ST6GALNAC3: variants seen among roughly 807,000 people sequenced by gnomAD.
ST6GALNAC3 encodes alpha-N-acetylgalactosaminide alpha-2,6-sialyltransferase 3.
ST6GALNAC3 carries 25 observed loss-of-function variants against 32.7 expected under a neutral mutation model. That is an observed-to-expected ratio of 0.76 (90% confidence interval 0.56 to 1.07). The LOEUF is 1.07. Ranked by LOEUF, ST6GALNAC3 falls within the 50% of genes least tolerant of loss-of-function variation. The probability of loss-of-function intolerance (pLI) is 0.00; values close to 1 mark genes in which losing one functional copy is unlikely to be tolerated. For synonymous variants in ST6GALNAC3, 129 were observed against 133.1 expected (o/e 0.97, Z 0.21); for missense variants, 355 against 382.4 (o/e 0.93, Z 0.60).
intron 1 of ST6GALNAC3, among the ~76,000 whole-genome samples, chr1:76,174,614 AT>A (rs1371438645): frequency 6.9e-6 from 1 of 144,444 alleles, no homozygotes; most frequent in East Asian, 2.0e-4. Flanking sequence ...GATCATGAAG[AT>A]TTTTTTCCAT....
At chr1:76,305,351 G>A (rs1206133178) in intron 1 of ST6GALNAC3, among the ~76,000 whole-genome samples, 2 of 152,096 alleles carry the variant, frequency 1.3e-5, no homozygotes, top group Non-Finnish European at 2.9e-5. Context: ...ATGTGATATA[G>A]TAAAAGAAAT....
At chr1:76,517,390 A>G (rs1291300639) in intron 3 of ST6GALNAC3, among the ~76,000 whole-genome samples, 1 of 151,708 alleles carries the variant, frequency 6.6e-6, no homozygotes, top group Non-Finnish European at 1.5e-5. Flanking sequence ...TATTTTTGTC[A>G]TATAGTCAAG....
chr1:76,583,368 A>G (rs778240073), intron 3 of ST6GALNAC3, among the ~76,000 whole-genome samples: 6 of 152,206 alleles, frequency 3.9e-5, no homozygotes, highest in East Asian at 1.9e-4. Flanking sequence ...TCCACTGGCT[A>G]TTGACATGCA....
At chr1:76,239,617 A>T (rs1158584174) in intron 1 of ST6GALNAC3, among the ~76,000 whole-genome samples, 1 of 152,130 alleles carries the variant, frequency 6.6e-6, no homozygotes, top group Non-Finnish European at 1.5e-5. Flanking sequence ...ACAGAGCAGG[A>T]ACTCACTCAT....
At chr1:76,525,996 A>G (rs1041120102) in intron 3 of ST6GALNAC3, among the ~76,000 whole-genome samples, 2 of 151,244 alleles carry the variant, frequency 1.3e-5, no homozygotes, top group African/African-American at 4.8e-5. Context: ...AACAATGACA[A>G]ACTCAGTGGC....
intron 2 of ST6GALNAC3, among the ~76,000 whole-genome samples, chr1:76,343,990 G>T (rs1397219302): frequency 1.3e-5 from 2 of 152,180 alleles, no homozygotes; most frequent in African/African-American, 4.8e-5. Flanking sequence ...TTGGACAAGG[G>T]GCAAGTAGGG....
chr1:76,568,750 C>T (rs1262671147), intron 3 of ST6GALNAC3, among the ~76,000 whole-genome samples: 17 of 152,096 alleles, frequency 1.1e-4, no homozygotes. Context: ...GGCCTCAAAT[C>T]CCAGGTTCGC....
intron 3 of ST6GALNAC3, among the ~76,000 whole-genome samples, chr1:76,616,139 T>C (rs1238932314): frequency 6.6e-6 from 1 of 152,164 alleles, no homozygotes; most frequent in East Asian, 1.9e-4. Flanking sequence ...TTTTTTCTCA[T>C]AGATTGCCAG....
chr1:76,585,757 A>G (rs941900456), intron 3 of ST6GALNAC3, among the ~76,000 whole-genome samples: 3 of 152,218 alleles, frequency 2.0e-5, no homozygotes, highest in Non-Finnish European at 4.4e-5. Flanking sequence ...TTAGAAATAC[A>G]TAGCTCTCTA....
chr1:76,226,068 C>T (rs180941445), intron 1 of ST6GALNAC3, among the ~76,000 whole-genome samples: 19 of 152,224 alleles, frequency 1.2e-4, no homozygotes, highest in Non-Finnish European at 1.8e-4. Context: ...CTGCTTTTGA[C>T]GTTTATGTTT....
intron 2 of ST6GALNAC3, among the ~76,000 whole-genome samples, chr1:76,379,459 C>G (rs1651531080): frequency 6.6e-6 from 1 of 152,060 alleles, no homozygotes; most frequent in South Asian, 2.1e-4. Flanking sequence ...AGTTTAGAGT[C>G]AACAAAAATT....
intron 3 of ST6GALNAC3, among the ~76,000 whole-genome samples, chr1:76,541,413 G>T (rs1241737664): frequency 1.3e-5 from 2 of 152,114 alleles, no homozygotes; most frequent in Admixed American, 1.3e-4. Flanking sequence ...GATCTTTCCC[G>T]CATCTATGCA....
At chr1:76,597,781 A>T (rs1198195388) in intron 3 of ST6GALNAC3, among the ~76,000 whole-genome samples, 1 of 152,076 alleles carries the variant, frequency 6.6e-6, no homozygotes, top group Non-Finnish European at 1.5e-5. Flanking sequence ...AAAAGCATCA[A>T]AGCTGGAATT....
chr1:76,561,232 G>A (rs896643254), intron 3 of ST6GALNAC3, among the ~76,000 whole-genome samples: 7 of 152,072 alleles, frequency 4.6e-5, no homozygotes, highest in Non-Finnish European at 1.5e-5. Flanking sequence ...GTGGGGAAGT[G>A]GGGATGTTTA....
chr1:76,381,478 A>G (rs966649279), intron 2 of ST6GALNAC3, among the ~76,000 whole-genome samples: 1 of 152,158 alleles, frequency 6.6e-6, no homozygotes, highest in Non-Finnish European at 1.5e-5. Context: ...GATGTCTGCT[A>G]TTTTTATACA....
intron 1 of ST6GALNAC3, among the ~76,000 whole-genome samples, chr1:76,236,408 T>A (rs1019293319): frequency 6.6e-6 from 1 of 152,150 alleles, no homozygotes; most frequent in Admixed American, 6.5e-5. Flanking sequence ...ATTAAATGAG[T>A]ACAAAAATTG....
At chr1:76,174,915 G>A (rs954576602) in intron 1 of ST6GALNAC3, among the ~76,000 whole-genome samples, 4 of 152,046 alleles carry the variant, frequency 2.6e-5, no homozygotes, top group African/African-American at 7.2e-5. Context: ...TGATCCATCT[G>A]CCTCAGCCTT....
At chr1:76,369,683 A>G (rs543553925) in intron 2 of ST6GALNAC3, among the ~76,000 whole-genome samples, 1 of 152,186 alleles carries the variant, frequency 6.6e-6, no homozygotes, top group Non-Finnish European at 1.5e-5. Context: ...TCTTCATTCT[A>G]CCCACTTCTC....
At chr1:76,199,074 C>T (rs1392303924) in intron 1 of ST6GALNAC3, among the ~76,000 whole-genome samples, 2 of 152,162 alleles carry the variant, frequency 1.3e-5, no homozygotes, top group Non-Finnish European at 2.9e-5. Flanking sequence ...GCAAAGTTTC[C>T]ATCCATGGCT....
Sources: allele counts gnomAD v4.1 joint callset (sites outside exome capture counted in the v4.1 genomes callset), GRCh38; gene constraint gnomAD v4.1.1; transcripts MANE v1.5; gene names NCBI Gene and HGNC (gene_info 2026-07-23, HGNC 2026-07-21).